TRA2B: variants seen among roughly 807,000 people sequenced by gnomAD.
TRA2B encodes the protein transformer-2 protein homolog beta.
A neutral mutation model predicts 41.7 loss-of-function variants in TRA2B; 14 were observed. The observed-to-expected ratio is 0.34, with a 90% CI of 0.22 to 0.53. The LOEUF (loss-of-function observed/expected upper bound fraction) is 0.53, where lower values mean the gene tolerates loss of function less well. Ranked by LOEUF, TRA2B falls within the 20% of genes least tolerant of loss-of-function variation. TRA2B has a pLI of 0.95. For missense variants in TRA2B, 167 were observed against 396.8 expected (o/e 0.42, Z 4.92); for synonymous variants, 130 against 128.8 (o/e 1.01, Z -0.06).
At chr3:185,929,558 G>T (rs1321693599) in intron 1 of TRA2B, among the ~76,000 whole-genome samples, 4 of 152,114 alleles carry the variant, frequency 2.6e-5, no homozygotes. Context: ...TCACAGACTG[G>T]ATCTCAGCCA....
chr3:185,920,058 T>C (rs1254710413), intron 6 of TRA2B, among the ~76,000 whole-genome samples: 2 of 152,194 alleles, frequency 1.3e-5, no homozygotes, highest in African/African-American at 2.4e-5. Flanking sequence ...TTTGGAAGTA[T>C]TCTCAAAGAT....
At chr3:185,932,320 T>C (rs761018349) in intron 1 of TRA2B, among the ~76,000 whole-genome samples, 1 of 152,150 alleles carries the variant, frequency 6.6e-6, no homozygotes, top group Admixed American at 6.5e-5. Flanking sequence ...CTTGTCTAGA[T>C]AGGATAAAGA....
At position 185,926,839 on chromosome 3, in the gene TRA2B, G is replaced by A. The variant is rs146819523; in HGVS notation, c.37-105C>T. The A allele has an allele frequency of 3.0e-3, 4,245 of 1,406,750 alleles. 73 individuals carry two copies. The highest frequency in any genetic ancestry group is 0.028 in the African/African-American group (1,953 of 70,038). The allele number at this position is 1,406,750 out of a possible 1,614,324, so 87.1% of individuals were successfully genotyped here. A position where few individuals can be genotyped will look rare whatever the true frequency, so the allele number is the denominator to read the frequency against. ...GTGAGGGACAGCAATCCCCTTCCAAGATAAGAAAATATAGGTAAGGGCAGG... is the reference window on the plus strand; with the variant it reads ...GTGAGGGACAGCAATCCCCTTCCAAAATAAGAAAATATAGGTAAGGGCAGG... On this transcript the variant is annotated intron_variant, in intron 1 of 8. Transcript: ENST00000453386.
rs1326496794 is a variant in TRA2B at position 185,918,441 on chromosome 3, A to G, written c.783-3T>C. The G allele has an allele frequency of 6.2e-7, 1 of 1,607,764 alleles. No homozygotes were observed. Among genetic ancestry groups the G allele is most frequent in the Non-Finnish European group, 8.5e-7 (1 of 1,174,520 alleles). ...AGTAAGGAGAAGGTGACCGCCTTCTATAAACAAATGTCAAGATTGTCTAAG... is the reference window on the plus strand; with the variant it reads ...AGTAAGGAGAAGGTGACCGCCTTCTGTAAACAAATGTCAAGATTGTCTAAG... On this transcript the variant is annotated splice_polypyrimidine_tract_variant and splice_region_variant and intron_variant, in intron 7 of 8. Coordinates refer to ENST00000453386, the MANE Select transcript of TRA2B (RefSeq NM_004593.3).
At chr3:185,919,684 G>T (rs1055293658) in intron 6 of TRA2B, among the ~76,000 whole-genome samples, 188 bp from the exon 7 acceptor site, 2 of 151,416 alleles carry the variant, frequency 1.3e-5, no homozygotes, top group Non-Finnish European at 2.9e-5. Context: ...AGTAGTATTA[G>T]AACACAGAAC....
At chr3:185,935,991 A>G (rs1744337778) in intron 1 of TRA2B, 1 of 985,438 alleles carries the variant, frequency 1.0e-6, no homozygotes, top group African/African-American at 1.7e-5. Context: ...GTAAAAAGAT[A>G]ACCCATCAGA....
chr3:185,925,260 G>C, intron 3 of TRA2B: 1 of 536,918 alleles, frequency 1.9e-6, no homozygotes, highest in Non-Finnish European at 3.2e-6. Flanking sequence ...CATTGTGTCA[G>C]TATTATGCTT....
At chr3:185,935,857 A>G (rs1744331037) in intron 1 of TRA2B, 1 of 985,346 alleles carries the variant, frequency 1.0e-6, no homozygotes, top group African/African-American at 1.7e-5. Flanking sequence ...ACAACGTAAA[A>G]GTTTAGAGAT....
intron 1 of TRA2B, chr3:185,936,603 C>T (rs1023274980): frequency 1.2e-5 from 12 of 984,792 alleles, no homozygotes; most frequent in East Asian, 1.1e-4. Flanking sequence ...ATTTAATAGT[C>T]TTATTTACCT....
chr3:185,926,457 C>T (rs1456039767), intron 2 of TRA2B, 144 bp downstream of exon 2: 5 of 1,093,600 alleles, frequency 4.6e-6, no homozygotes, highest in Non-Finnish European at 6.3e-6. Context: ...TTTAGTCTTG[C>T]CTCCCAGAAC....
Position 185,918,437 on chromosome 3 carries a change from T to C in TRA2B, c.784A>G (p.Arg262Gly). The C allele has an allele frequency of 1.2e-6, 2 of 1,611,286 alleles. No homozygotes were observed. Among genetic ancestry groups the C allele is most frequent in the Non-Finnish European group, 1.7e-6 (2 of 1,177,760 alleles). The change falls in exon 8 of 9, where the codon AGG becomes GGG. Residue 262 changes from arginine (R) to glycine (G), a missense_variant and splice_region_variant. Transcript: ENST00000453386. ...AAQDRDQIYR[R>G]RSPSPYYSRG... ...CTATAGTAAGGAGAAGGTGACCGCC[T>C]TCTATAAACAAATGTCAAGATTGTC...
chr3:185,936,453 G>T (rs1744358890), intron 1 of TRA2B: 1 of 985,310 alleles, frequency 1.0e-6, no homozygotes, highest in Non-Finnish European at 1.2e-6. Flanking sequence ...GTATGTAAAC[G>T]CAAGGCTTGA....
intron 8 of TRA2B, 85 bp downstream of exon 8, chr3:185,918,280 A>G: frequency 9.7e-7 from 1 of 1,031,508 alleles, no homozygotes; most frequent in Non-Finnish European, 1.5e-6. Context: ...ACCTGAAACC[A>G]ATCCATTATC....
At chr3:185,929,825 TAGTC>T (rs1744083306) in intron 1 of TRA2B, among the ~76,000 whole-genome samples, 2 of 152,220 alleles carry the variant, frequency 1.3e-5, no homozygotes, top group Non-Finnish European at 2.9e-5. Flanking sequence ...TTACTTGACT[TAGTC>T]AACCTCAGAA....
At chr3:185,935,992 A>G in intron 1 of TRA2B, 1 of 985,422 alleles carries the variant, frequency 1.0e-6, no homozygotes, top group Non-Finnish European at 1.2e-6. Flanking sequence ...TAAAAAGATA[A>G]CCCATCAGAA....
intron 6 of TRA2B, among the ~76,000 whole-genome samples, chr3:185,920,809 G>A (rs1297171363): frequency 6.6e-6 from 1 of 152,074 alleles, no homozygotes. Context: ...GATTACAGGC[G>A]TGAGCTACTG....
In TRA2B at chr3:185,916,163, A is replaced by T. The variant is rs1743493737; in HGVS notation, c.*1552T>A. On this transcript the variant is annotated 3_prime_UTR_variant, in exon 9 of 9. Transcript: ENST00000453386. ...AACACCCTGGACAGTAAGTTTTACA[A>T]ATTAAGACCTGCCAATACTGCCTAT... 1 of 152,226 alleles carries T rather than the reference A, an allele frequency of 6.6e-6. No homozygotes were observed. Among genetic ancestry groups the T allele is most frequent in the African/African-American group, 2.4e-5 (1 of 41,450 alleles). 9.4% of individuals were successfully genotyped at this position (152,226 alleles called of 1,614,324 possible). A position where few individuals can be genotyped will look rare whatever the true frequency, so the allele number is the denominator to read the frequency against.
intron 1 of TRA2B, chr3:185,935,954 T>G: frequency 2.0e-6 from 2 of 985,406 alleles, no homozygotes; most frequent in Non-Finnish European, 2.4e-6. Context: ...ATTCAAAGAT[T>G]GCGAAAAACA....
chr3:185,925,405 A>C, intron 3 of TRA2B, 59 bp downstream of exon 3: 1 of 1,582,066 alleles, frequency 6.3e-7, no homozygotes, highest in South Asian at 1.2e-5. Context: ...ATCAGCTCTA[A>C]CTTTAAGAAA....
Sources: allele counts gnomAD v4.1 joint callset (sites outside exome capture counted in the v4.1 genomes callset), GRCh38; gene constraint gnomAD v4.1.1; transcripts MANE v1.5; gene names NCBI Gene and HGNC (gene_info 2026-07-23, HGNC 2026-07-21).